Variants in MSN observed in about 807,000 individuals in gnomAD.
MSN encodes epididymis luminal protein 70.
Under a neutral mutation model 48.0 loss-of-function variants are expected in MSN, and 2 were observed. That is an observed-to-expected ratio of 0.04 (90% CI 0.02 to 0.13). The LOEUF is 0.13. MSN is among the 10% of genes least tolerant of loss of function. MSN has a pLI of 1.00. For missense variants in MSN, 267 were observed against 470.1 expected, an observed-to-expected ratio of 0.57 and a Z score of 3.99; for synonymous variants, 146 against 166.9, an observed-to-expected ratio of 0.87 and a Z score of 0.97.
intron 1 of MSN, among the ~76,000 whole-genome samples, chrX:65,709,359 A>G (rs768149505): frequency 8.9e-6 from 1 of 112,333 alleles, no homozygotes; most frequent in Admixed American, 9.4e-5. Flanking sequence ...CAACTTTTTA[A>G]AAACCCAAAA....
chrX:65,600,984 G>C (rs764671256), intron 1 of MSN, among the ~76,000 whole-genome samples: 1 of 111,986 alleles, frequency 8.9e-6, no homozygotes, highest in East Asian at 2.8e-4. Context: ...CTCTCAATAA[G>C]TATTTATTGC....
rs774220844 is a variant in MSN, at chrX:65,716,868, G to T, written c.63G>T (p.Gln21His). ...ATGCAGAGCTGGAGTTTGCCATCCA[G>T]CCCAACACCACCGGGAAGCAGCTAT... ...TMDAELEFAI[Q>H]PNTTGKQLFD... The change falls in exon 2 of 13, where the codon CAG becomes CAT. Residue 21 changes from glutamine to histidine, a missense_variant. Gln to His is a conservative substitution (Grantham distance 24). Transcript: ENST00000360270. 21 of 1,207,476 alleles carry T rather than the reference G, an allele frequency of 1.7e-5. No homozygotes were observed. The Admixed American group carries it at 4.4e-4, about 25-fold the overall frequency.
At chrX:65,700,748 T>A (rs1430193662) in intron 1 of MSN, among the ~76,000 whole-genome samples, 1 of 112,212 alleles carries the variant, frequency 8.9e-6, no homozygotes, top group African/African-American at 3.2e-5. Context: ...AATGCTTAAC[T>A]TGCATGTGTC....
At chrX:65,638,380 A>G (rs1274183392) in intron 1 of MSN, among the ~76,000 whole-genome samples, 1 of 111,291 alleles carries the variant, frequency 9.0e-6, no homozygotes, top group Non-Finnish European at 1.9e-5. Context: ...GCTTTCTGCC[A>G]TTGTATTTAT....
chrX:65,638,106 G>A (rs377121143), intron 1 of MSN, among the ~76,000 whole-genome samples: 47 of 112,264 alleles, frequency 4.2e-4, no homozygotes, highest in East Asian at 3.6e-3. Flanking sequence ...AATTCAACAG[G>A]TGATAACCAC....
intron 1 of MSN, among the ~76,000 whole-genome samples, chrX:65,621,745 G>T (rs1293915101): frequency 8.9e-6 from 1 of 112,214 alleles, no homozygotes; most frequent in African/African-American, 3.2e-5. Flanking sequence ...AAAATATTAA[G>T]CCTTCATACC....
intron 1 of MSN, among the ~76,000 whole-genome samples, chrX:65,693,425 C>G (rs1289487774): frequency 8.9e-6 from 1 of 111,787 alleles, no homozygotes; most frequent in Non-Finnish European, 1.9e-5. Context: ...TAGATCTTTC[C>G]TGCTTTCTCT....
chrX:65,719,701 C>A (rs2071498824), intron 2 of MSN, among the ~76,000 whole-genome samples: 1 of 111,368 alleles, frequency 9.0e-6, no homozygotes, highest in Admixed American at 9.6e-5. Context: ...GCTCCTTTGA[C>A]ATTTACCTAT....
intron 1 of MSN, among the ~76,000 whole-genome samples, chrX:65,645,078 A>G (rs2070685289): frequency 8.9e-6 from 1 of 112,012 alleles, no homozygotes; most frequent in South Asian, 3.7e-4. Flanking sequence ...TCCCTGGGCT[A>G]CTGGGCTGGG....
chrX:65,588,758 C>A, intron 1 of MSN: 1 of 375,909 alleles, frequency 2.7e-6, no homozygotes, highest in Non-Finnish European at 3.5e-6. Context: ...AAATGTTGAT[C>A]AGTGTAGGTG....
intron 1 of MSN, among the ~76,000 whole-genome samples, chrX:65,646,714 G>A (rs1212671972): frequency 8.9e-6 from 1 of 112,158 alleles, no homozygotes; most frequent in Non-Finnish European, 1.9e-5. Context: ...GGGAGGCCAA[G>A]GCGGGCTGAT....
intron 1 of MSN, among the ~76,000 whole-genome samples, chrX:65,590,575 C>T (rs966736711): frequency 9.0e-6 from 1 of 111,262 alleles, no homozygotes; most frequent in East Asian, 2.8e-4. Flanking sequence ...TATAGACTTC[C>T]GGCACAATTT....
intron 2 of MSN, among the ~76,000 whole-genome samples, chrX:65,719,847 G>A (rs192344217): frequency 7.0e-4 from 78 of 111,678 alleles, no homozygotes; most frequent in Admixed American, 3.0e-3. Context: ...GGCATGATTT[G>A]GAGCCTAGTG....
At chrX:65,697,191 A>G (rs752660113) in intron 1 of MSN, among the ~76,000 whole-genome samples, 111 of 109,139 alleles carry the variant, frequency 1.0e-3, no homozygotes, top group Non-Finnish European at 1.9e-3. Context: ...AGCCTAGGGG[A>G]ACAGCAGGCT....
chrX:65,666,133 C>T (rs190700709), upstream of MSN, among the ~76,000 whole-genome samples: 143 of 110,354 alleles, frequency 1.3e-3, 1 homozygote, highest in Admixed American at 2.1e-3. Context: ...CTCATCCTCC[C>T]GAGTGCCTGG....
chrX:65,682,356 A>C (rs2071065030), intron 1 of MSN, among the ~76,000 whole-genome samples: 1 of 111,797 alleles, frequency 8.9e-6, no homozygotes, highest in South Asian at 3.7e-4. Context: ...ACCACATACT[A>C]CCCATGGCTT....
chrX:65,610,776 C>A (rs2070313588), intron 1 of MSN, among the ~76,000 whole-genome samples: 1 of 112,272 alleles, frequency 8.9e-6, no homozygotes, highest in Non-Finnish European at 1.9e-5. Flanking sequence ...ACTTTCTATT[C>A]TTTTTTAAAG....
chrX:65,621,508 T>G (rs1182141648), intron 1 of MSN, among the ~76,000 whole-genome samples: 1 of 112,035 alleles, frequency 8.9e-6, no homozygotes, highest in African/African-American at 3.2e-5. Flanking sequence ...TTGATTTTAG[T>G]ACCTTCATAG....
At chrX:65,636,747 C>CA (rs1219240320) in intron 1 of MSN, among the ~76,000 whole-genome samples, 1,608 of 6,259 alleles carry the variant, frequency 0.26, 339 homozygotes, top group African/African-American at 0.33. Flanking sequence ...AACTCCATCT[C>CA]AAAAAAAAAA....
Sources: gnomAD v4.1 joint callset for allele counts (sites outside exome capture counted in the v4.1 genomes callset) on GRCh38, gnomAD v4.1.1 for gene constraint, MANE v1.5 for transcripts, NCBI Gene and HGNC (gene_info 2026-07-23, HGNC 2026-07-21) for gene names.